The following CNTN4 variants were observed in gnomAD, a reference collection of about 807,000 sequenced individuals.
CNTN4 encodes contactin-4.
Under a neutral mutation model 122.5 loss-of-function variants are expected in CNTN4, and 77 were observed. The observed-to-expected ratio is 0.63, with a 90% confidence interval of 0.52 to 0.76. The LOEUF (loss-of-function observed/expected upper bound fraction) is 0.76. CNTN4 is among the 30% of genes least tolerant of loss of function. The pLI is 0.00. For synonymous variants in CNTN4, 512 were observed against 447.0 expected, an observed-to-expected ratio of 1.15 and a Z score of -1.83; for missense variants, 1,256 against 1,259.1, an observed-to-expected ratio of 1.00 and a Z score of 0.04.
At chr3:2,781,884 C>G (rs531741375) in intron 6 of CNTN4, among the ~76,000 whole-genome samples, 2 of 72,606 alleles carry the variant, frequency 2.8e-5, no homozygotes, top group African/African-American at 8.1e-5. Flanking sequence ...GCACCACGCC[C>G]GGCTAATTTT....
intron 2 of CNTN4, among the ~76,000 whole-genome samples, chr3:2,206,873 ACTG>A (rs2038370991): frequency 8.6e-6 from 1 of 116,902 alleles, no homozygotes; most frequent in Admixed American, 8.7e-5. Context: ...CTTCGCAGAT[ACTG>A]CTTTTTTTTT....
intron 13 of CNTN4, among the ~76,000 whole-genome samples, chr3:2,940,906 G>C (rs1483144376): frequency 6.6e-6 from 1 of 152,096 alleles, no homozygotes; most frequent in Non-Finnish European, 1.5e-5. Context: ...CATTTGAATT[G>C]AGCTTTTTAT....
intron 23 of CNTN4, 34 bp downstream of exon 23, chr3:3,043,738 C>A: frequency 7.1e-7 from 1 of 1,405,394 alleles, no homozygotes; most frequent in South Asian, 1.2e-5. Flanking sequence ...GGCACCTAAT[C>A]GTGCTGTGAG....
intron 4 of CNTN4, among the ~76,000 whole-genome samples, chr3:2,674,202 AGTAGCCTTTTTAAG>A (rs1458532890): frequency 3.3e-5 from 5 of 152,248 alleles, no homozygotes; most frequent in African/African-American, 7.2e-5. Context: ...TCATAATAAA[AGTAGCCTTTTTAAG>A]GTAGCCTTTT....
intron 3 of CNTN4, among the ~76,000 whole-genome samples, chr3:2,355,600 G>A (rs1396857029): frequency 6.6e-6 from 1 of 152,074 alleles, no homozygotes; most frequent in African/African-American, 2.4e-5. Context: ...ATCCCCTCCT[G>A]CGCCCTCCTC....
chr3:2,646,868 C>T (rs189636647), intron 4 of CNTN4, among the ~76,000 whole-genome samples: 4 of 152,242 alleles, frequency 2.6e-5, no homozygotes, highest in Admixed American at 2.6e-4. Flanking sequence ...TTAAAGACCA[C>T]CCTAAGGTTT....
chr3:2,623,782 G>A (rs570109953), intron 4 of CNTN4, among the ~76,000 whole-genome samples: 8 of 152,274 alleles, frequency 5.3e-5, no homozygotes. Context: ...GGAGAACAGA[G>A]CAGAGTGTCC....
intron 2 of CNTN4, among the ~76,000 whole-genome samples, chr3:2,225,067 G>A (rs912109543): frequency 4.0e-5 from 6 of 149,178 alleles, no homozygotes; most frequent in East Asian, 2.0e-4. Context: ...GGAGAATGGC[G>A]TGAACCCGGG....
At chr3:2,194,178 A>G (rs771111113) in intron 2 of CNTN4, among the ~76,000 whole-genome samples, 15 of 152,162 alleles carry the variant, frequency 9.9e-5, no homozygotes, top group Non-Finnish European at 1.8e-4. Flanking sequence ...TAGAAAGTGA[A>G]TGGGGCCAGG....
chr3:2,270,456 G>GTA lies in CNTN4; in HGVS notation c.-144-68710_-144-68709dup, dbSNP rs60414752. Reference sequence around the variant, plus strand: ...TCTTAGACAGTTAGAGGCACAGAGGGTATATATATATATGGGATTGCCTTA... The same window carrying GTA: ...TCTTAGACAGTTAGAGGCACAGAGGGTATATATATATATATGGGATTGCCTTA... On this transcript the variant is annotated intron_variant, in intron 2 of 24. Coordinates refer to ENST00000418658, the MANE Select transcript of CNTN4 (RefSeq NM_175607.3). 2.1e-4 allele frequency among the ~76,000 whole-genome samples: 32 copies of GTA among 150,928 alleles called. No individual in the cohort carries two copies. The East Asian group carries it at 5.1e-3, about 24-fold the overall frequency.
chr3:2,506,840 A>AT (rs528713847), intron 3 of CNTN4, among the ~76,000 whole-genome samples: 150 of 151,610 alleles, frequency 9.9e-4, no homozygotes, highest in Middle Eastern at 3.4e-3. Flanking sequence ...CTGGAATGAG[A>AT]TTTTTTTTTG....
chr3:3,019,126 T>C (rs1698038294), intron 14 of CNTN4, among the ~76,000 whole-genome samples: 1 of 152,040 alleles, frequency 6.6e-6, no homozygotes, highest in Non-Finnish European at 1.5e-5. Context: ...AGCTGATATA[T>C]GTAGAAGGAA....
At chr3:2,703,334 T>C (rs534353820) in intron 4 of CNTN4, among the ~76,000 whole-genome samples, 32 of 152,320 alleles carry the variant, frequency 2.1e-4, no homozygotes, top group African/African-American at 7.7e-4. Context: ...CATCACTGAA[T>C]ATAATAGCTT....
At chr3:2,263,971 C>A (rs957578991) in intron 2 of CNTN4, among the ~76,000 whole-genome samples, 2 of 152,120 alleles carry the variant, frequency 1.3e-5, no homozygotes, top group African/African-American at 2.4e-5. Context: ...AAATAATATT[C>A]CATTGTGTGT....
intron 2 of CNTN4, among the ~76,000 whole-genome samples, chr3:2,281,558 A>C (rs1153486): frequency 0.59 from 89,118 of 151,796 alleles, 26,458 homozygotes; most frequent in South Asian, 0.68. Flanking sequence ...GCAATTTCAG[A>C]GGCCTTCTGA....
chr3:2,400,242 A>G (rs1273587535), intron 3 of CNTN4, among the ~76,000 whole-genome samples: 1 of 151,418 alleles, frequency 6.6e-6, no homozygotes, highest in African/African-American at 2.4e-5. Flanking sequence ...CTAGTATCAC[A>G]AAACCAGAAG....
intron 2 of CNTN4, among the ~76,000 whole-genome samples, chr3:2,233,881 T>C (rs1430971383): frequency 6.6e-6 from 1 of 152,164 alleles, no homozygotes; most frequent in Non-Finnish European, 1.5e-5. Context: ...CATGCCCTTT[T>C]AAAATACGAA....
intron 4 of CNTN4, among the ~76,000 whole-genome samples, chr3:2,611,028 T>C (rs189139558): frequency 6.6e-6 from 1 of 152,204 alleles, no homozygotes; most frequent in East Asian, 1.9e-4. Context: ...ATACTTCCAT[T>C]ATAACATGCT....
intron 2 of CNTN4, among the ~76,000 whole-genome samples, chr3:2,327,282 T>A (rs1054462146): frequency 2.6e-5 from 4 of 152,142 alleles, no homozygotes; most frequent in Non-Finnish European, 4.4e-5. Flanking sequence ...GGATTTTGCT[T>A]CAAAATTAGT....
Sources: allele counts gnomAD v4.1 joint callset (sites outside exome capture counted in the v4.1 genomes callset), GRCh38; gene constraint gnomAD v4.1.1; transcripts MANE v1.5; gene names NCBI Gene and HGNC (gene_info 2026-07-23, HGNC 2026-07-21).